The following DYNC2LI1 variants were observed in gnomAD, a reference collection of about 807,000 sequenced individuals.
The protein encoded by DYNC2LI1 is dynein cytoplasmic 2 light intermediate chain 1.
A neutral mutation model predicts 51.9 loss-of-function variants in DYNC2LI1; 45 were observed. The observed-to-expected ratio is 0.87, with a 90% CI of 0.68 to 1.11. The LOEUF is 1.11. Ranked by LOEUF, DYNC2LI1 falls within the 50% of genes most tolerant of loss-of-function variation. The pLI is 0.00. For missense variants in DYNC2LI1, 490 were observed against 417.4 expected (o/e 1.17, Z -1.51); for synonymous variants, 130 against 137.8 (o/e 0.94, Z 0.40).
rs1390031591 is a variant in DYNC2LI1 at position 43,787,196 on chromosome 2, A to G, written c.177A>G (p.Lys59=). The G allele has an allele frequency of 4.3e-6, 7 of 1,613,320 alleles. No individual in the cohort carries two copies. The South Asian group carries it at 7.7e-5, about 18-fold the overall frequency. Residue 59 remains lysine (K), a synonymous_variant, in exon 4 of 13, where the codon AAA becomes AAG. Coordinates refer to ENST00000260605, the MANE Select transcript of DYNC2LI1 (RefSeq NM_016008.4). ...LRCLDRDEPP[K]PTLALEYTYG... is the part of the protein sequence containing the mutation. Reference sequence around the variant, plus strand: ...TATTATACAGAGATGAACCACCAAAACCAACCTTAGCTTTGGAATATACAT... The same window carrying G: ...TATTATACAGAGATGAACCACCAAAGCCAACCTTAGCTTTGGAATATACAT...
chr2:43,813,354 G>A (rs1271446200), downstream of DYNC2LI1: 3 of 1,397,726 alleles, frequency 2.1e-6, no homozygotes, highest in East Asian at 2.3e-5. Flanking sequence ...TTTATCTCAG[G>A]TAATTTAATC....
chr2:43,821,385 A>G, the DYNC2LI1 span, among the ~76,000 whole-genome samples: 1 of 152,144 alleles, frequency 6.6e-6, no homozygotes, highest in East Asian at 1.9e-4. Context: ...CTCAATTCCA[A>G]TGGCTCCAGC....
intron 2 of DYNC2LI1, among the ~76,000 whole-genome samples, chr2:43,783,182 T>C (rs1357251216): frequency 6.6e-6 from 1 of 152,210 alleles, no homozygotes; most frequent in Admixed American, 6.5e-5. Flanking sequence ...ACACTAAGCA[T>C]CGGCTTAACC....
downstream of DYNC2LI1, among the ~76,000 whole-genome samples, chr2:43,813,715 T>G (rs1239584087): frequency 1.6e-5 from 2 of 122,488 alleles, no homozygotes; most frequent in African/African-American, 6.5e-5. Flanking sequence ...TTTCGTTTTT[T>G]TTTTTTTTTT....
chr2:43,805,099 A>G (rs757908612), intron 11 of DYNC2LI1, 55 bp from the exon 12 acceptor site: 4 of 1,107,458 alleles, frequency 3.6e-6, no homozygotes, highest in Non-Finnish European at 5.4e-6. Flanking sequence ...GGCAGATGGT[A>G]GCCATTGAAT....
intron 7 of DYNC2LI1, 29 bp downstream of exon 7, chr2:43,795,987 G>A (rs1674020041): frequency 2.6e-6 from 4 of 1,536,846 alleles, no homozygotes; most frequent in African/African-American, 2.7e-5. Flanking sequence ...AGCTGAGTTT[G>A]TTGTACATAT....
At chr2:43,811,739 C>T (rs182279422), downstream of DYNC2LI1, among the ~76,000 whole-genome samples, 3,269 of 151,992 alleles carry the variant, frequency 0.022, 82 homozygotes, top group African/African-American at 0.061. Context: ...GGACTACAGG[C>T]GCCTGCCACC....
chr2:43,809,931 G>T lies in DYNC2LI1; in HGVS notation c.*164G>T. Reference sequence around the variant, plus strand: ...AGTGCATCTCCCTGTATATCTTGAAGCTTTTTAAAAGGAAAAATTATTGTA... The same window carrying T: ...AGTGCATCTCCCTGTATATCTTGAATCTTTTTAAAAGGAAAAATTATTGTA... On this transcript the variant is annotated 3_prime_UTR_variant, in exon 13 of 13. Transcript: ENST00000260605. The T allele has an allele frequency of 1.5e-6, 2 of 1,348,544 alleles. No individual in the cohort carries two copies. The highest frequency in any genetic ancestry group is 1.9e-6 in the Non-Finnish European group (2 of 1,048,702). 83.5% of individuals were successfully genotyped at this position (1,348,544 alleles called of 1,614,324 possible). A position where few individuals can be genotyped will look rare whatever the true frequency, so the allele number is the denominator to read the frequency against.
In DYNC2LI1 at chr2:43,787,123, A is replaced by G. The variant is rs1323209687; in HGVS notation, c.162-58A>G. The G allele has an allele frequency of 1.8e-5, 25 of 1,378,380 alleles. No individual in the cohort carries two copies. The East Asian group carries it at 5.3e-4, about 29-fold the overall frequency. 85.4% of individuals were successfully genotyped at this position (1,378,380 alleles called of 1,614,324 possible). A position where few individuals can be genotyped will look rare whatever the true frequency, so the allele number is the denominator to read the frequency against. ...AAGGAAAAATGAATCAGGTAAGGTG[A>G]TAGCATAAGAAACTAATACCACCTA... On this transcript the variant is annotated intron_variant, in intron 3 of 12. Transcript: ENST00000260605.
intron 3 of DYNC2LI1, among the ~76,000 whole-genome samples, chr2:43,786,698 T>C (rs111826911): frequency 0.43 from 65,666 of 151,920 alleles, 16,044 homozygotes; most frequent in African/African-American, 0.67. Flanking sequence ...TGGTGGCGGG[T>C]GCTTGTAGTC....
At chr2:43,825,218 G>T in the DYNC2LI1 span, among the ~76,000 whole-genome samples, 1 of 152,142 alleles carries the variant, frequency 6.6e-6, no homozygotes, top group Non-Finnish European at 1.5e-5. Flanking sequence ...CATTCGAAAT[G>T]CATCCCTACC....
the DYNC2LI1 span, chr2:43,819,896 T>C: frequency 1.2e-6 from 2 of 1,613,644 alleles, no homozygotes; most frequent in Non-Finnish European, 1.7e-6. Flanking sequence ...TCTAAATTTT[T>C]TGAATTATGA....
At chr2:43,827,878 CA>C in the DYNC2LI1 span, 372 of 1,539,344 alleles carry the variant, frequency 2.4e-4, 1 homozygote, top group African/African-American at 4.3e-3. Flanking sequence ...CAGTTGTACA[CA>C]AACCCCTTTC....
intron 3 of DYNC2LI1, 89 bp downstream of exon 3, chr2:43,783,643 C>A (rs781244629): frequency 1.0e-4 from 76 of 742,832 alleles, no homozygotes; most frequent in Non-Finnish European, 1.0e-4. Flanking sequence ...GGAAGGGGAA[C>A]GATTTTGAGA....
chr2:43,825,035 C>A, the DYNC2LI1 span: 1 of 1,612,800 alleles, frequency 6.2e-7, no homozygotes, highest in Non-Finnish European at 8.5e-7. Context: ...AGACAACAGA[C>A]GTAGTTAGTG....
chr2:43,775,605 C>A (rs1672975134), intron 1 of DYNC2LI1: 1 of 291,192 alleles, frequency 3.4e-6, no homozygotes, highest in Non-Finnish European at 6.6e-6. Flanking sequence ...TCAGGCAATC[C>A]TCCTGCCTCA....
the DYNC2LI1 span, chr2:43,822,919 A>G: frequency 6.2e-7 from 1 of 1,613,924 alleles, no homozygotes. Context: ...GGTCGCTGAC[A>G]GCTCGCAGCA....
chr2:43,804,728 T>C lies in DYNC2LI1; in HGVS notation c.889T>C (p.Phe297Leu), dbSNP rs1666185094. 1 of 1,601,490 alleles carries C rather than the reference T, an allele frequency of 6.2e-7. No individual in the cohort carries two copies. Among genetic ancestry groups the C allele is most frequent in the Admixed American group, 1.7e-5 (1 of 57,664 alleles). The change falls in exon 11 of 13, where the codon TTT becomes CTT. Residue 297 changes from phenylalanine to leucine, a missense_variant. Transcript: ENST00000260605. The stretch of plus-strand genomic sequence containing the variant: ...GTGGAAAAAAGTGTATGAAAAGCTC[T>C]TTCCACCAAAGGTACATATTTCTAA... ...ELWKKVYEKLFPPKSINTLKD... is the reference protein window; with the variant it reads ...ELWKKVYEKLLPPKSINTLKD...
chr2:43,805,751 A>G (rs1433523932), intron 12 of DYNC2LI1, among the ~76,000 whole-genome samples: 2 of 152,160 alleles, frequency 1.3e-5, no homozygotes, highest in Non-Finnish European at 1.5e-5. Context: ...CTCTCAGGAA[A>G]ATGCTTAAAA....
Sources: allele counts gnomAD v4.1 joint callset (sites outside exome capture counted in the v4.1 genomes callset), GRCh38; gene constraint gnomAD v4.1.1; transcripts MANE v1.5; gene names NCBI Gene and HGNC (gene_info 2026-07-23, HGNC 2026-07-21).